Variants in MAOB observed in about 807,000 individuals in gnomAD.
MAOB encodes the protein monoamine oxidase B.
A neutral mutation model predicts 41.9 loss-of-function variants in MAOB; 15 were observed. The observed-to-expected ratio is 0.36, with a 90% CI of 0.24 to 0.55. The LOEUF is 0.55. Among genes scored for constraint, MAOB ranks in the 20% least tolerant of loss-of-function variants. The probability of loss-of-function intolerance (pLI) is 0.86; values close to 1 mark genes in which losing one functional copy is unlikely to be tolerated. For missense variants in MAOB, 345 were observed against 398.7 expected (o/e 0.87, Z 1.15); for synonymous variants, 167 against 144.2 (o/e 1.16, Z -1.13).
At chrX:43,792,292 T>C (rs1272095700) in intron 8 of MAOB, among the ~76,000 whole-genome samples, 2 of 112,340 alleles carry the variant, frequency 1.8e-5, no homozygotes, top group East Asian at 5.6e-4. Flanking sequence ...TGCAAACACA[T>C]GTCTTTAAGT....
intron 3 of MAOB, among the ~76,000 whole-genome samples, chrX:43,816,363 A>G (rs2034814865): frequency 8.9e-6 from 1 of 112,001 alleles, no homozygotes; most frequent in Admixed American, 9.5e-5. Context: ...AAAAATTTAC[A>G]TACTCAGAAT....
chrX:43,804,027 A>G (rs2034631445), intron 3 of MAOB, among the ~76,000 whole-genome samples: 2 of 111,515 alleles, frequency 1.8e-5, no homozygotes, highest in Non-Finnish European at 3.8e-5. Flanking sequence ...TCGACACAGA[A>G]ATAAAGGGAA....
At chrX:43,850,086 C>T (rs772573544) in intron 1 of MAOB, among the ~76,000 whole-genome samples, 9 of 111,603 alleles carry the variant, frequency 8.1e-5, no homozygotes, top group African/African-American at 2.0e-4. Context: ...TCCTATTTTT[C>T]GGATTAGTAA....
chrX:43,774,776 C>A lies in MAOB; in HGVS notation c.1235+399G>T, dbSNP rs112238972. On this transcript the variant is annotated intron_variant, in intron 12 of 14. Coordinates refer to ENST00000378069, the MANE Select transcript of MAOB (RefSeq NM_000898.5). ...TGACATTGGGTGAACCCTTGGACTA[C>A]CTAAAATGCTACTCTTTTTTGATTT... is the stretch of plus-strand genomic sequence containing the variant. 5.7e-3 allele frequency among the ~76,000 whole-genome samples: 632 copies of A among 111,791 alleles called. 5 individuals are homozygous for A. Among genetic ancestry groups the A allele is most frequent in the Non-Finnish European group, 6.6e-3 (351 of 53,166 alleles).
intron 3 of MAOB, among the ~76,000 whole-genome samples, chrX:43,830,059 T>A (rs980397343): frequency 8.9e-6 from 1 of 112,265 alleles, no homozygotes. Flanking sequence ...TATACTGGGT[T>A]AAATAAAATG....
At chrX:43,832,693 C>G (rs1350184970) in intron 3 of MAOB, among the ~76,000 whole-genome samples, 2 of 111,816 alleles carry the variant, frequency 1.8e-5, no homozygotes, top group Non-Finnish European at 3.8e-5. Flanking sequence ...TAATTAACAG[C>G]AAGCTATTAG....
chrX:43,857,583 G>A (rs2035306989), intron 1 of MAOB, among the ~76,000 whole-genome samples: 1 of 111,074 alleles, frequency 9.0e-6, no homozygotes, highest in Admixed American at 9.6e-5. Context: ...ATCCCACCCT[G>A]GCCTCTGCCT....
intron 1 of MAOB, among the ~76,000 whole-genome samples, chrX:43,858,162 C>T (rs1366952137): frequency 9.0e-6 from 1 of 111,595 alleles, no homozygotes; most frequent in Non-Finnish European, 1.9e-5. Context: ...ATTCCTCCCT[C>T]CTGTATGTGA....
At chrX:43,839,890 C>T (rs2035113537) in intron 2 of MAOB, among the ~76,000 whole-genome samples, 1 of 111,961 alleles carries the variant, frequency 8.9e-6, no homozygotes, top group African/African-American at 3.2e-5. Context: ...ATTTCAAGAA[C>T]TGGGAGAGAT....
At chrX:43,862,144 TACA>T (rs1487234709) in intron 1 of MAOB, among the ~76,000 whole-genome samples, 15 of 112,007 alleles carry the variant, frequency 1.3e-4, no homozygotes, top group Non-Finnish European at 1.9e-5. Context: ...GTTGCAAAAT[TACA>T]ACATTTTATA....
chrX:43,823,165 CTTTTTTTTTT>C (rs1181398583), intron 3 of MAOB, among the ~76,000 whole-genome samples: 1 of 60,112 alleles, frequency 1.7e-5, no homozygotes, highest in Admixed American at 2.2e-4. Flanking sequence ...AACAGATGGT[CTTTTTTTTTT>C]TTTTTTTTTT....
intron 3 of MAOB, among the ~76,000 whole-genome samples, chrX:43,836,096 C>T (rs2035069094): frequency 9.0e-6 from 1 of 111,479 alleles, no homozygotes; most frequent in Non-Finnish European, 1.9e-5. Flanking sequence ...CTGTAGTTTG[C>T]CCTTGGGGAC....
At chrX:43,845,306 C>T (rs1365021231) in intron 1 of MAOB, among the ~76,000 whole-genome samples, 2 of 111,719 alleles carry the variant, frequency 1.8e-5, no homozygotes, top group East Asian at 5.6e-4. Context: ...TCATGCCTTA[C>T]AACGTAAATA....
chrX:43,778,837 T>C, intron 10 of MAOB, 98 bp from the exon 11 acceptor site: 4 of 608,811 alleles, frequency 6.6e-6, no homozygotes, highest in Middle Eastern at 9.0e-4. Context: ...AAAGATTCCA[T>C]GAGCCATTGA....
Position 43,782,220 on chromosome X carries a change from C to A in MAOB, c.929-676G>T, listed in dbSNP as rs778726762. On this transcript the variant is annotated intron_variant, in intron 8 of 14. Coordinates refer to ENST00000378069, the MANE Select transcript of MAOB (RefSeq NM_000898.5). The stretch of plus-strand genomic sequence containing the variant: ...CCAGGAGCCGGTTTTTTGAAAAGAT[C>A]AAAAAAATAGACCGCTAGCCAGACT... Among the ~76,000 whole-genome samples the A allele has an allele frequency of 1.6e-4, 17 of 109,507 alleles. No individual in the cohort carries two copies. The Admixed American group carries it at 1.6e-3, about 10-fold the overall frequency.
At chrX:43,808,509 G>A (rs1303040085) in intron 3 of MAOB, among the ~76,000 whole-genome samples, 2 of 110,612 alleles carry the variant, frequency 1.8e-5, no homozygotes, top group Non-Finnish European at 3.8e-5. Context: ...CAGAAAGTGA[G>A]AGCTCAGTCT....
chrX:43,769,303 C>G lies in MAOB; in HGVS notation c.1347+4G>C, dbSNP rs753474696. On this transcript the variant is annotated splice_donor_region_variant and intron_variant, in intron 13 of 14. Transcript: ENST00000378069. ...TCCCCATAATCTATGACCCCAGACC[C>G]TACCTCTCGGGCTGCTCTCTCCCCG... 5 of 1,201,988 alleles carry G rather than the reference C, an allele frequency of 4.2e-6. No individual in the cohort carries two copies. The East Asian group carries it at 1.5e-4, about 36-fold the overall frequency.
intron 1 of MAOB, among the ~76,000 whole-genome samples, chrX:43,857,802 A>G (rs1402394601): frequency 8.9e-6 from 1 of 111,968 alleles, no homozygotes; most frequent in African/African-American, 3.2e-5. Flanking sequence ...TGGAAACCCA[A>G]AAGTCCCAGG....
At position 43,875,525 on chromosome X, in the gene MAOB, T is replaced by C. The variant is rs1330045410; in HGVS notation, c.46+6729A>G. Among the ~76,000 whole-genome samples, 5 of 112,097 alleles carry C rather than the reference T, an allele frequency of 4.5e-5. No homozygotes were observed. In the East Asian group the frequency reaches 1.4e-3, roughly 31 times the overall value. ...TTATGCAGACACACTACTAATAAGT[T>C]AAGCCCAGCGAATGAGATTCTTGCA... On this transcript the variant is annotated intron_variant, in intron 1 of 14. Transcript: ENST00000378069.
Sources: gnomAD v4.1 joint callset for allele counts (sites outside exome capture counted in the v4.1 genomes callset) on GRCh38, gnomAD v4.1.1 for gene constraint, MANE v1.5 for transcripts, NCBI Gene and HGNC (gene_info 2026-07-23, HGNC 2026-07-21) for gene names.